PATJ: variants seen among roughly 807,000 people sequenced by gnomAD.
The protein encoded by PATJ is inaD-like protein.
Under a neutral mutation model 224.9 loss-of-function variants are expected in PATJ, and 190 were observed. That is an observed-to-expected ratio of 0.84 (90% CI 0.75 to 0.95). The LOEUF is 0.95. PATJ is among the 40% of genes least tolerant of loss of function. PATJ has a pLI of 0.00. For synonymous variants in PATJ, 769 were observed against 820.3 expected (o/e 0.94, Z 1.07); for missense variants, 2,121 against 2,270.3 (o/e 0.93, Z 1.34).
chr1:62,005,197 G>A lies in PATJ; in HGVS notation c.3868-12659G>A, dbSNP rs113336443. Among the ~76,000 whole-genome samples the A allele has an allele frequency of 1.1e-3, 159 of 151,364 alleles. 2 individuals are homozygous for A. Among genetic ancestry groups the A allele is most frequent in the African/African-American group, 3.6e-3 (147 of 41,254 alleles). On this transcript the variant is annotated intron_variant, in intron 28 of 43. Coordinates refer to ENST00000642238, the MANE Select transcript of PATJ (RefSeq NM_001350145.3). Reference sequence around the variant, plus strand: ...GTCACCCAGGTTGGAGAGCAGTGGCGTGATCTCAGCTTACTGCAGCCTCCA... The same window carrying A: ...GTCACCCAGGTTGGAGAGCAGTGGCATGATCTCAGCTTACTGCAGCCTCCA...
chr1:61,916,936 A>G (rs1673533891), intron 26 of PATJ, among the ~76,000 whole-genome samples: 1 of 152,330 alleles, frequency 6.6e-6, no homozygotes, highest in South Asian at 2.1e-4. Flanking sequence ...TCAGTTTACC[A>G]GTCTGGGTAC....
rs776315805 is a variant in PATJ, at chr1:61,859,352, G to T, written c.2323-2199G>T. 2.0e-5 allele frequency among the ~76,000 whole-genome samples: 3 copies of T among 152,166 alleles called. No individual in the cohort carries two copies. In the South Asian group the frequency reaches 6.2e-4, roughly 32 times the overall value. ...GGCCTCCCTCAGTGAGTCCAAGGCT[G>T]CCAAGAATACTTAGGAGTGGGAGGC... On this transcript the variant is annotated intron_variant, in intron 18 of 43. Coordinates refer to ENST00000642238, the MANE Select transcript of PATJ (RefSeq NM_001350145.3).
rs1667200715 is a variant in PATJ at position 61,875,277 on chromosome 1, C to T, written c.2870C>T (p.Ser957Phe). 1 of 1,606,386 alleles carries T rather than the reference C, an allele frequency of 6.2e-7. No homozygotes were observed. Among genetic ancestry groups the T allele is most frequent in the South Asian group, 1.1e-5 (1 of 90,412 alleles). The stretch of plus-strand genomic sequence containing the variant: ...AATTTTGTCATGGAGTCCCTACCAT[C>T]TGTACCATCAACTGAAGGAAACAGT... ...KENFVMESLP[S>F]VPSTEGNSQQ... Residue 957 changes from serine to phenylalanine, a missense_variant, in exon 21 of 44, where the codon TCT becomes TTT. Transcript: ENST00000642238.
chr1:61,842,706 G>A (rs1433565702), intron 17 of PATJ, among the ~76,000 whole-genome samples: 1 of 150,730 alleles, frequency 6.6e-6, no homozygotes, highest in Non-Finnish European at 1.5e-5. Flanking sequence ...GGAAGTGAGT[G>A]GGTATCAGCC....
In PATJ at chr1:61,828,405, T is replaced by TG. The variant is rs1466886717; in HGVS notation, c.1980+822_1980+823insG. Among the ~76,000 whole-genome samples the TG allele has an allele frequency of 4.6e-5, 7 of 151,564 alleles. No homozygotes were observed. In the South Asian group the frequency reaches 6.2e-4, roughly 14 times the overall value. On this transcript the variant is annotated intron_variant, in intron 16 of 43. Transcript: ENST00000642238. ...AGCACTGTTACTATGAAAAGAGTTT[T>TG]TTTTTTTTTTTGAAACAGGATCTCC...
In PATJ at chr1:61,913,858, A is replaced by G. The variant is rs144738709; in HGVS notation, c.3493-729A>G. 2.9e-3 allele frequency among the ~76,000 whole-genome samples: 437 copies of G among 152,262 alleles called. 5 individuals carry two copies. Among genetic ancestry groups the G allele is most frequent in the African/African-American group, 0.01 (419 of 41,560 alleles). ...ATCTGTCAAACAGATGTGTTATCCT[A>G]TGTTCTTGGATAATTAATTAGATCA... On this transcript the variant is annotated intron_variant, in intron 25 of 43. Coordinates refer to ENST00000642238, the MANE Select transcript of PATJ (RefSeq NM_001350145.3).
intron 29 of PATJ, among the ~76,000 whole-genome samples, chr1:62,019,800 A>T (rs1397702413): frequency 1.3e-5 from 2 of 152,114 alleles, no homozygotes. Flanking sequence ...AAAGGTCAGC[A>T]CTCAAGAGAT....
At chr1:62,101,492 A>C (rs1387517282) in intron 33 of PATJ, among the ~76,000 whole-genome samples, 2 of 151,442 alleles carry the variant, frequency 1.3e-5, no homozygotes, top group Non-Finnish European at 2.9e-5. Flanking sequence ...CAAACTCCTG[A>C]CCTCAGGTCA....
intron 33 of PATJ, among the ~76,000 whole-genome samples, chr1:62,097,820 G>A (rs1425277878): frequency 1.3e-4 from 20 of 152,158 alleles, no homozygotes; most frequent in Admixed American, 1.2e-3. Context: ...CAACCTATGC[G>A]AGTTAGGATT....
intron 17 of PATJ, among the ~76,000 whole-genome samples, chr1:61,845,307 T>G (rs2148856710): frequency 6.6e-6 from 1 of 152,336 alleles, no homozygotes; most frequent in East Asian, 1.9e-4. Context: ...TAAATGGAGC[T>G]GAGCTCCTGA....
chr1:62,140,938 C>G (rs1470408372), intron 41 of PATJ, among the ~76,000 whole-genome samples: 1 of 151,920 alleles, frequency 6.6e-6, no homozygotes, highest in Non-Finnish European at 1.5e-5. Flanking sequence ...AGACAGCTTT[C>G]TTCCTAGAAA....
rs34267345 is a variant in PATJ at position 61,965,121 on chromosome 1, C to CAAAAAAAAAAAAAAAAAAAA, written c.3671-25026_3671-25007dup. On this transcript the variant is annotated intron_variant, in intron 27 of 43. Transcript: ENST00000642238. ...TGGGCCACTGAAGGAGACTCTGTCT[C>CAAAAAAAAAAAAAAAAAAAA]AAAAAAAAAAAAAAAAAAAAAAAAA... Among the ~76,000 whole-genome samples the CAAAAAAAAAAAAAAAAAAAA allele has an allele frequency of 2.4e-4, 13 of 54,386 alleles. 1 individual carries two copies. The highest frequency in any genetic ancestry group is 3.0e-4 in the Non-Finnish European group (10 of 33,046). 35.7% of individuals were successfully genotyped at this position (54,386 alleles called of 152,430 possible).
intron 29 of PATJ, 109 bp from the exon 30 acceptor site, chr1:62,037,868 A>G (rs944041570): frequency 1.5e-5 from 7 of 452,658 alleles, no homozygotes; most frequent in Admixed American, 6.8e-5. Context: ...ATTTAATTCT[A>G]TGATGCTGTG....
chr1:61,877,606 T>C (rs10889261), intron 21 of PATJ, among the ~76,000 whole-genome samples: 127,077 of 151,796 alleles, frequency 0.84, 53,438 homozygotes, highest in Admixed American at 0.89. Context: ...TGCGCATGCT[T>C]TCTCTCCTAC....
intron 30 of PATJ, chr1:62,039,050 G>A: frequency 1.1e-6 from 1 of 931,902 alleles, no homozygotes; most frequent in Non-Finnish European, 1.8e-6. Context: ...TCAGATAATG[G>A]GAACATTATG....
intron 22 of PATJ, among the ~76,000 whole-genome samples, chr1:61,895,827 A>G (rs1670283998): frequency 6.6e-6 from 1 of 152,156 alleles, no homozygotes; most frequent in Non-Finnish European, 1.5e-5. Flanking sequence ...GGCAGCTTGC[A>G]TATGCAGCTG....
chr1:61,793,611 C>T (rs1301018232), intron 9 of PATJ, among the ~76,000 whole-genome samples: 4 of 149,806 alleles, frequency 2.7e-5, no homozygotes, highest in South Asian at 2.2e-4. Flanking sequence ...CGCAGCTACT[C>T]GGGAGGCTGA....
At chr1:62,034,561 T>A (rs1649996553) in intron 29 of PATJ, among the ~76,000 whole-genome samples, 2 of 152,134 alleles carry the variant, frequency 1.3e-5, no homozygotes. Flanking sequence ...ACTGCTTGTC[T>A]GAAGTGTAAA....
rs117320989 is a variant in PATJ, at chr1:61,785,391, C to T, written c.850-2363C>T. Among the ~76,000 whole-genome samples, 185 of 152,280 alleles carry T rather than the reference C, an allele frequency of 1.2e-3. No homozygotes were observed. The East Asian group carries it at 0.023, about 19-fold the overall frequency. On this transcript the variant is annotated intron_variant, in intron 7 of 43. Coordinates refer to ENST00000642238, the MANE Select transcript of PATJ (RefSeq NM_001350145.3). ...CTACAGTAATGTTACTCTGGAGATA[C>T]TGAAGTATAAGGCAAATAACTGAAA...
Sources: allele counts gnomAD v4.1 joint callset (sites outside exome capture counted in the v4.1 genomes callset), GRCh38; gene constraint gnomAD v4.1.1; transcripts MANE v1.5; gene names NCBI Gene and HGNC (gene_info 2026-07-23, HGNC 2026-07-21).